The following CHODL variants were observed in gnomAD, a reference collection of about 807,000 sequenced individuals.
CHODL encodes the protein transmembrane protein MT75.
CHODL carries 29 observed loss-of-function variants against 34.5 expected under a neutral mutation model. The ratio of observed to expected loss-of-function variants is 0.84; its 90% CI spans 0.63 to 1.15. The LOEUF (loss-of-function observed/expected upper bound fraction) is 1.15. Among genes scored for constraint, CHODL ranks in the 50% most tolerant of loss-of-function variants. The probability of loss-of-function intolerance (pLI) is 0.00; values close to 1 mark genes in which losing one functional copy is unlikely to be tolerated. For missense variants in CHODL, 332 were observed against 332.5 expected, an observed-to-expected ratio of 1.00 and a Z score of 0.01; for synonymous variants, 125 against 116.1, an observed-to-expected ratio of 1.08 and a Z score of -0.49.
chr21:18,151,783 A>G (rs921171574), intron 2 of CHODL, among the ~76,000 whole-genome samples: 1 of 152,168 alleles, frequency 6.6e-6, no homozygotes, highest in African/African-American at 2.4e-5. Flanking sequence ...TGGTATGTGG[A>G]GAAAATGCTC....
chr21:18,211,395 G>GAATT (rs2073773701), intron 2 of CHODL, among the ~76,000 whole-genome samples: 1 of 152,128 alleles, frequency 6.6e-6, no homozygotes, highest in South Asian at 2.1e-4. Flanking sequence ...TTGAATGAAT[G>GAATT]AGTTACTTAA....
At chr21:18,108,499 G>A (rs535157070) in intron 2 of CHODL, among the ~76,000 whole-genome samples, 1 of 152,164 alleles carries the variant, frequency 6.6e-6, no homozygotes, top group African/African-American at 2.4e-5. Context: ...ACAAACCACT[G>A]AATGATCAGC....
chr21:18,015,740 T>C (rs2064066897), intron 1 of CHODL, among the ~76,000 whole-genome samples: 1 of 152,114 alleles, frequency 6.6e-6, no homozygotes, highest in Non-Finnish European at 1.5e-5. Context: ...GATAAGGAAG[T>C]TACTGGGAAC....
intron 2 of CHODL, among the ~76,000 whole-genome samples, chr21:18,103,257 A>T (rs1299432345): frequency 1.3e-5 from 2 of 152,170 alleles, no homozygotes; most frequent in Non-Finnish European, 2.9e-5. Context: ...TAAGATAATA[A>T]AGAAACTGAC....
intron 1 of CHODL, among the ~76,000 whole-genome samples, chr21:18,252,438 C>T (rs993469708): frequency 6.6e-6 from 1 of 152,056 alleles, no homozygotes; most frequent in African/African-American, 2.4e-5. Context: ...TCTGCATTAA[C>T]AAAACTTTTC....
chr21:18,231,803 C>T (rs1426387435), intron 2 of CHODL, among the ~76,000 whole-genome samples: 1 of 151,086 alleles, frequency 6.6e-6, no homozygotes, highest in African/African-American at 2.4e-5. Flanking sequence ...TCCTACTGTG[C>T]TTTGTATGGG....
intron 2 of CHODL, among the ~76,000 whole-genome samples, chr21:18,069,274 C>T (rs1171090091): frequency 6.6e-6 from 1 of 152,120 alleles, no homozygotes; most frequent in Non-Finnish European, 1.5e-5. Context: ...GGACAAACCA[C>T]AGGAGTGTGC....
In CHODL at chr21:17,994,887, A is replaced by G. The variant is rs138761115; in HGVS notation, c.-144-32985A>G. 5.7e-3 allele frequency among the ~76,000 whole-genome samples: 868 copies of G among 152,072 alleles called. 9 individuals are homozygous for G. Among genetic ancestry groups the G allele is most frequent in the African/African-American group, 0.014 (579 of 41,476 alleles). ...GCGAGGACCCTGCCACTGGAGGGGG[A>G]TGGGGTTACTGGAGTAGGTGGGTTT... On this transcript the variant is annotated intron_variant, in intron 1 of 6. Transcript: ENST00000400127.
At chr21:18,082,569 G>A (rs2064955376) in intron 2 of CHODL, among the ~76,000 whole-genome samples, 1 of 152,164 alleles carries the variant, frequency 6.6e-6, no homozygotes, top group Middle Eastern at 3.2e-3. Context: ...TGACCAAAAT[G>A]CTGATAGTGA....
At chr21:18,062,774 C>G (rs962982977) in intron 2 of CHODL, among the ~76,000 whole-genome samples, 1 of 151,956 alleles carries the variant, frequency 6.6e-6, no homozygotes, top group Non-Finnish European at 1.5e-5. Flanking sequence ...TCAAACAAAA[C>G]AAAGTGTGGA....
intron 2 of CHODL, among the ~76,000 whole-genome samples, chr21:18,034,330 C>T (rs565638173): frequency 2.6e-5 from 4 of 152,080 alleles, no homozygotes; most frequent in South Asian, 2.1e-4. Context: ...TAATTGATGT[C>T]GTCATCTTGA....
At chr21:17,920,293 G>C (rs2063173648) in intron 1 of CHODL, among the ~76,000 whole-genome samples, 1 of 152,220 alleles carries the variant, frequency 6.6e-6, no homozygotes, top group African/African-American at 2.4e-5. Flanking sequence ...AAAGAAAGAA[G>C]TTTAATGGAC....
At chr21:18,104,347 C>T (rs1173511449) in intron 2 of CHODL, among the ~76,000 whole-genome samples, 1 of 152,134 alleles carries the variant, frequency 6.6e-6, no homozygotes, top group Non-Finnish European at 1.5e-5. Context: ...GCCCTTCCCC[C>T]TTCGCTTGGC....
chr21:18,181,592 C>T (rs571512895), intron 2 of CHODL, among the ~76,000 whole-genome samples: 5 of 152,086 alleles, frequency 3.3e-5, no homozygotes, highest in African/African-American at 4.8e-5. Flanking sequence ...TTAGTAGAGA[C>T]GGGGTTTCAC....
intron 1 of CHODL, among the ~76,000 whole-genome samples, chr21:17,936,080 T>C (rs527981161): frequency 6.6e-6 from 1 of 152,212 alleles, no homozygotes; most frequent in African/African-American, 2.4e-5. Flanking sequence ...CATTATCATA[T>C]CGTAGAAATA....
chr21:18,062,624 G>T, intron 2 of CHODL, among the ~76,000 whole-genome samples: 1 of 152,070 alleles, frequency 6.6e-6, no homozygotes, highest in East Asian at 2.0e-4. Context: ...AAATTAGCCC[G>T]ATGTGGTGGT....
At chr21:18,097,575 C>A (rs1226928232) in intron 2 of CHODL, among the ~76,000 whole-genome samples, 7 of 151,786 alleles carry the variant, frequency 4.6e-5, no homozygotes, top group Non-Finnish European at 7.4e-5. Flanking sequence ...TGAAGAGATA[C>A]CAAAAATGAA....
At chr21:18,166,518 G>A (rs58705898) in intron 2 of CHODL, among the ~76,000 whole-genome samples, 2,113 of 152,190 alleles carry the variant, frequency 0.014, 28 homozygotes, top group East Asian at 0.025. Context: ...CTTGGGGTCC[G>A]TCTTAAAATT....
intron 2 of CHODL, among the ~76,000 whole-genome samples, chr21:18,235,981 C>G (rs61395998): frequency 4.0e-4 from 61 of 151,972 alleles, no homozygotes; most frequent in African/African-American, 1.4e-3. Flanking sequence ...ATCAATTGTC[C>G]TCCTTTTTGT....
Sources: gnomAD v4.1 joint callset for allele counts (sites outside exome capture counted in the v4.1 genomes callset) on GRCh38, gnomAD v4.1.1 for gene constraint, MANE v1.5 for transcripts, NCBI Gene and HGNC (gene_info 2026-07-23, HGNC 2026-07-21) for gene names.